Variants in TEX11 observed in about 807,000 individuals in gnomAD.
TEX11 encodes testis expressed 11, also known as testis-expressed protein 11.
TEX11 carries 7 observed loss-of-function variants against 84.4 expected under a neutral mutation model. That is an observed-to-expected ratio of 0.08 (90% CI 0.05 to 0.16). TEX11 has a LOEUF of 0.16. TEX11 is among the 10% of genes least tolerant of loss of function. The pLI is 1.00. For missense variants in TEX11, 551 were observed against 660.5 expected (o/e 0.83, Z 1.82); for synonymous variants, 264 against 222.8 (o/e 1.18, Z -1.64).
chrX:70,596,675 T>TA (rs1304785538), intron 24 of TEX11, among the ~76,000 whole-genome samples: 1 of 109,884 alleles, frequency 9.1e-6, no homozygotes, highest in Non-Finnish European at 1.9e-5. Flanking sequence ...AAGTTGATAT[T>TA]AAAAAAAAGA....
intron 7 of TEX11, among the ~76,000 whole-genome samples, chrX:70,850,618 A>T (rs1486715514): frequency 9.1e-6 from 1 of 109,781 alleles, no homozygotes; most frequent in Non-Finnish European, 1.9e-5. Context: ...AGCCAGGCAC[A>T]GTGGCATACA....
intron 11 of TEX11, among the ~76,000 whole-genome samples, chrX:70,728,473 C>T (rs1020278636): frequency 2.0e-4 from 23 of 112,956 alleles, no homozygotes; most frequent in Non-Finnish European, 3.7e-4. Flanking sequence ...CATAATACTG[C>T]GCACTTCCAA....
chrX:70,827,605 C>A lies in TEX11; in HGVS notation c.606+5908G>T, dbSNP rs370764033. ...ACATCAGTGGTGGCCTAGCAGAACA[C>A]CCCATGGACCACTGATGGTGGCGGC... On this transcript the variant is annotated intron_variant, in intron 8 of 29. Coordinates refer to ENST00000374333, the MANE Select transcript of TEX11 (RefSeq NM_031276.3). Among the ~76,000 whole-genome samples the A allele has an allele frequency of 2.7e-5, 3 of 111,603 alleles. No individual in the cohort carries two copies. The East Asian group carries it at 8.5e-4, about 32-fold the overall frequency.
At chrX:70,691,678 G>A (rs1261538137) in intron 13 of TEX11, among the ~76,000 whole-genome samples, 1 of 111,207 alleles carries the variant, frequency 9.0e-6, no homozygotes, top group Non-Finnish European at 1.9e-5. Flanking sequence ...GGGGGAATGG[G>A]GGAGATGCTG....
At chrX:70,742,405 A>G (rs2090739275) in intron 10 of TEX11, among the ~76,000 whole-genome samples, 1 of 109,188 alleles carries the variant, frequency 9.2e-6, no homozygotes, top group African/African-American at 3.3e-5. Context: ...TAAAATACAC[A>G]TAACATAAAA....
At chrX:70,687,398 A>G (rs2090198213) in intron 13 of TEX11, among the ~76,000 whole-genome samples, 1 of 111,148 alleles carries the variant, frequency 9.0e-6, no homozygotes, top group Admixed American at 9.6e-5. Flanking sequence ...TACATTATTG[A>G]TTTTAAGTGT....
At chrX:70,743,075 C>T (rs189247399) in intron 10 of TEX11, among the ~76,000 whole-genome samples, 1 of 111,993 alleles carries the variant, frequency 8.9e-6, no homozygotes, top group Non-Finnish European at 1.9e-5. Context: ...CTAAAACCAC[C>T]ATTTTACTTT....
chrX:70,790,164 C>T (rs1792542303), intron 9 of TEX11, among the ~76,000 whole-genome samples: 1 of 111,979 alleles, frequency 8.9e-6, no homozygotes. Flanking sequence ...TTAAAAAGTA[C>T]AAACTTGGAT....
chrX:70,754,510 G>A (rs769452194), intron 9 of TEX11, among the ~76,000 whole-genome samples: 9 of 111,937 alleles, frequency 8.0e-5, no homozygotes, highest in Non-Finnish European at 1.5e-4. Context: ...GTACTCTTCT[G>A]TGGTGTGGGG....
chrX:70,814,153 C>T (rs1310097981), intron 8 of TEX11, among the ~76,000 whole-genome samples: 2 of 111,796 alleles, frequency 1.8e-5, no homozygotes, highest in Non-Finnish European at 3.8e-5. Context: ...AGTCAGTCCT[C>T]AGCCAAAAGA....
chrX:70,729,677 G>A lies in TEX11; in HGVS notation c.844-4334C>T, dbSNP rs755894232. ...GACTATGTGAAAAGACCAAATCTGC[G>A]TCTGATTGGTGTACCTGAAAGTGAC... On this transcript the variant is annotated intron_variant, in intron 11 of 29. Transcript: ENST00000374333. Among the ~76,000 whole-genome samples the A allele has an allele frequency of 1.3e-4, 14 of 111,986 alleles. No individual in the cohort carries two copies. In the South Asian group the frequency reaches 1.9e-3, roughly 15 times the overall value.
intron 25 of TEX11, among the ~76,000 whole-genome samples, chrX:70,560,047 C>CA (rs2088343193): frequency 1.8e-5 from 2 of 111,223 alleles, no homozygotes; most frequent in Non-Finnish European, 3.8e-5. Flanking sequence ...AGTGAGGGTG[C>CA]AGCGGCTTCT....
intron 2 of TEX11, among the ~76,000 whole-genome samples, chrX:70,890,196 T>G (rs747836613): frequency 1.8e-5 from 2 of 111,889 alleles, no homozygotes; most frequent in Non-Finnish European, 3.8e-5. Context: ...CATTATATAC[T>G]GATAAAGAGG....
At chrX:70,628,761 T>C (rs868331658) in intron 18 of TEX11, among the ~76,000 whole-genome samples, 31 of 111,905 alleles carry the variant, frequency 2.8e-4, no homozygotes, top group African/African-American at 1.0e-3. Flanking sequence ...CAGATGCAGA[T>C]ATGGAATGTA....
chrX:70,536,007 TA>T (rs997461716), intron 28 of TEX11, among the ~76,000 whole-genome samples: 5 of 111,071 alleles, frequency 4.5e-5, no homozygotes, highest in Admixed American at 9.6e-5. Context: ...TTCCATGATT[TA>T]AAAAAATGCT....
chrX:70,773,870 G>C (rs914209144), intron 9 of TEX11, among the ~76,000 whole-genome samples: 13 of 111,345 alleles, frequency 1.2e-4, no homozygotes, highest in African/African-American at 4.2e-4. Flanking sequence ...CGGAGGTGAG[G>C]CAGCTTGCTT....
chrX:70,838,682 G>A (rs962388495), intron 7 of TEX11, among the ~76,000 whole-genome samples: 1 of 112,470 alleles, frequency 8.9e-6, no homozygotes, highest in East Asian at 2.8e-4. Context: ...AAAGCAGGGC[G>A]AGGCATCGCC....
At chrX:70,513,486 AATTT>A in the TEX11 span, among the ~76,000 whole-genome samples, 1 of 106,629 alleles carries the variant, frequency 9.4e-6, no homozygotes, top group Non-Finnish European at 1.9e-5. Flanking sequence ...GAATTTTAAA[AATTT>A]ATTTATTTAT....
intron 15 of TEX11, among the ~76,000 whole-genome samples, chrX:70,678,594 T>A (rs1323681088): frequency 9.0e-6 from 1 of 110,987 alleles, no homozygotes; most frequent in Non-Finnish European, 1.9e-5. Context: ...CACTGTAAGC[T>A]CTCAATGGAG....
Sources: gnomAD v4.1 joint callset for allele counts (sites outside exome capture counted in the v4.1 genomes callset) on GRCh38, gnomAD v4.1.1 for gene constraint, MANE v1.5 for transcripts, NCBI Gene and HGNC (gene_info 2026-07-23, HGNC 2026-07-21) for gene names.